The following RNF17 variants were observed in gnomAD, a reference collection of about 807,000 sequenced individuals.
The protein encoded by RNF17 is ring finger protein 17.
Under a neutral mutation model 200.5 loss-of-function variants are expected in RNF17, and 31 were observed. That is an observed-to-expected ratio of 0.15 (90% CI 0.12 to 0.21). The LOEUF is 0.21. Among genes scored for constraint, RNF17 ranks in the 10% least tolerant of loss-of-function variants. The pLI, the probability that RNF17 is intolerant of heterozygous loss-of-function variation, is 1.00. For synonymous variants in RNF17, 606 were observed against 637.8 expected, an observed-to-expected ratio of 0.95 and a Z score of 0.75; for missense variants, 1,628 against 1,905.1, an observed-to-expected ratio of 0.85 and a Z score of 2.71.
chr13:24,764,944 G>A (rs940429617), intron 1 of RNF17, among the ~76,000 whole-genome samples: 34 of 150,562 alleles, frequency 2.3e-4, no homozygotes, highest in Non-Finnish European at 4.4e-4. Context: ...TACGTGAGGG[G>A]AAAAATACAC....
Position 24,830,459 on chromosome 13 carries a change from A to C in RNF17, c.2246-25A>C, listed in dbSNP as rs777855693. The C allele has an allele frequency of 5.6e-6, 8 of 1,424,402 alleles. No individual in the cohort carries two copies. The Admixed American group carries it at 1.6e-4, about 28-fold the overall frequency. The allele number at this position is 1,424,402 out of a possible 1,614,324, so 88.2% of individuals were successfully genotyped here. Reference sequence around the variant, plus strand: ...AGATAATTCTGTTTCCAAGTTTGTAATTTCTAATTTCATAATTTTTCAAGG... The same window carrying C: ...AGATAATTCTGTTTCCAAGTTTGTACTTTCTAATTTCATAATTTTTCAAGG... On this transcript the variant is annotated intron_variant, in intron 16 of 35. Coordinates refer to ENST00000255324, the MANE Select transcript of RNF17 (RefSeq NM_031277.3).
the RNF17 span, among the ~76,000 whole-genome samples, chr13:24,754,298 A>G: frequency 6.6e-6 from 1 of 152,226 alleles, no homozygotes; most frequent in Admixed American, 6.5e-5. Flanking sequence ...TAATAAGGAC[A>G]CAAGAGTTTT....
chr13:24,765,041 A>T (rs754070321), intron 1 of RNF17, among the ~76,000 whole-genome samples: 1 of 152,036 alleles, frequency 6.6e-6, no homozygotes, highest in Non-Finnish European at 1.5e-5. Context: ...TTTGAGTTGG[A>T]GTCTCGCTCT....
the RNF17 span, among the ~76,000 whole-genome samples, chr13:24,754,820 C>A: frequency 6.6e-6 from 1 of 151,736 alleles, no homozygotes; most frequent in African/African-American, 2.4e-5. Flanking sequence ...AGCTTGAGCC[C>A]TGGAAGTCCA....
chr13:24,883,984 C>T (rs151090294), downstream of RNF17: 145 of 1,613,988 alleles, frequency 9.0e-5, no homozygotes, highest in Non-Finnish European at 7.9e-5. Flanking sequence ...GACAATTGTA[C>T]CATCTGGGAA....
At chr13:24,782,532 C>G (rs1882531568) in intron 6 of RNF17, among the ~76,000 whole-genome samples, 1 of 151,976 alleles carries the variant, frequency 6.6e-6, no homozygotes, top group Non-Finnish European at 1.5e-5. Flanking sequence ...CAAGCTTGAG[C>G]CAGGTGTGGT....
intron 23 of RNF17, 113 bp from the exon 24 acceptor site, chr13:24,851,342 TG>T: frequency 1.3e-6 from 1 of 762,490 alleles, no homozygotes; most frequent in Non-Finnish European, 2.2e-6. Flanking sequence ...TTGACTCAGC[TG>T]GGAATATTTC....
chr13:24,830,389 A>C, intron 16 of RNF17, 95 bp from the exon 17 acceptor site: 1 of 697,434 alleles, frequency 1.4e-6, no homozygotes, highest in Non-Finnish European at 2.5e-6. Flanking sequence ...ATTGAAGCTA[A>C]AAGTATTCTA....
chr13:24,846,257 A>G (rs1891248227), intron 22 of RNF17, among the ~76,000 whole-genome samples: 1 of 152,210 alleles, frequency 6.6e-6, no homozygotes, highest in African/African-American at 2.4e-5. Flanking sequence ...TATGAGCTAA[A>G]TCGAACTAAT....
At position 24,764,285 on chromosome 13, in the gene RNF17, G is replaced by A. The variant is rs1440658736; in HGVS notation, c.82G>A (p.Ala28Thr). 6 of 1,610,886 alleles carry A rather than the reference G, an allele frequency of 3.7e-6. No homozygotes were observed. The highest frequency in any genetic ancestry group is 3.3e-5 in the Admixed American group (2 of 59,884). The change falls in exon 1 of 36, where the codon GCT becomes ACT. Residue 28 changes from alanine to threonine, a missense_variant. Coordinates refer to ENST00000255324, the MANE Select transcript of RNF17 (RefSeq NM_031277.3). ...GAGGAAGAGTCAGCCCTGGGGTGCC[G>A]CTGAAATCCAGTGCACCAGGTGTGG... ...MGRKSQPWGAAEIQCTRCGRR... is the reference protein window; with the variant it reads ...MGRKSQPWGATEIQCTRCGRR...
At chr13:24,870,461 G>T in intron 31 of RNF17, 110 bp from the exon 32 acceptor site, 1 of 798,180 alleles carries the variant, frequency 1.3e-6, no homozygotes. Flanking sequence ...GGAGGTGTAG[G>T]GGTCTCTGGG....
intron 11 of RNF17, among the ~76,000 whole-genome samples, chr13:24,797,505 T>A (rs1344896499): frequency 6.6e-5 from 10 of 152,186 alleles, no homozygotes; most frequent in Non-Finnish European, 1.0e-4. Context: ...TATCTCATTA[T>A]AATTTTGATG....
At chr13:24,751,301 T>C in the RNF17 span, 1 of 127,590 alleles carries the variant, frequency 7.8e-6, no homozygotes, top group East Asian at 2.1e-4. Flanking sequence ...GATACTTGTA[T>C]ATATATATAT....
intron 2 of RNF17, among the ~76,000 whole-genome samples, chr13:24,774,244 C>G (rs919299406): frequency 2.0e-5 from 3 of 152,104 alleles, no homozygotes; most frequent in African/African-American, 7.2e-5. Flanking sequence ...CTCTTTCACC[C>G]AGGCTGGAGT....
intron 2 of RNF17, among the ~76,000 whole-genome samples, chr13:24,773,200 G>A (rs9511446): frequency 0.22 from 33,073 of 151,922 alleles, 4,052 homozygotes; most frequent in East Asian, 0.28. Flanking sequence ...TCCATTACTG[G>A]GTATATACCC....
In RNF17 at chr13:24,788,075, A is replaced by G; in HGVS notation, c.699A>G (p.Lys233=). ...AGGCTAAAAGCTACATTGAAGAGAA[A>G]AAAAATAATTTGAATGCAGCTATGA... ...LIKAKSYIEE[K]KNNLNAAMNI... Residue 233 remains lysine (K), a synonymous_variant, in exon 7 of 36, where the codon AAA becomes AAG. Coordinates refer to ENST00000255324, the MANE Select transcript of RNF17 (RefSeq NM_031277.3). The G allele has an allele frequency of 6.3e-7, 1 of 1,598,660 alleles. No individual in the cohort carries two copies. Among genetic ancestry groups the G allele is most frequent in the Non-Finnish European group, 8.5e-7 (1 of 1,175,402 alleles).
chr13:24,850,560 T>A, intron 23 of RNF17, 117 bp downstream of exon 23: 1 of 678,452 alleles, frequency 1.5e-6, no homozygotes, highest in Non-Finnish European at 2.5e-6. Flanking sequence ...TTACAAATTT[T>A]GTCGGTTTTA....
In RNF17 at chr13:24,832,059, AAATT is replaced by A. The variant is rs1329445205; in HGVS notation, c.2482+82_2482+85del. ...AATAACATTTGTCAAATTTTAGAATAAATTCAGTGTGCCATCAGTAGTGGTGGTG... is the reference window on the plus strand; with the variant it reads ...AATAACATTTGTCAAATTTTAGAATACAGTGTGCCATCAGTAGTGGTGGTG... On this transcript the variant is annotated intron_variant, in intron 18 of 35. Coordinates refer to ENST00000255324, the MANE Select transcript of RNF17 (RefSeq NM_031277.3). 9.6e-5 allele frequency: 97 copies of A among 1,007,548 alleles called. 1 individual carries two copies. The African/African-American group carries it at 1.3e-3, about 14-fold the overall frequency. 62.4% of individuals were successfully genotyped at this position (1,007,548 alleles called of 1,614,324 possible). A position where few individuals can be genotyped will look rare whatever the true frequency, so the allele number is the denominator to read the frequency against.
At chr13:24,791,737 G>A (rs184712567) in intron 9 of RNF17, among the ~76,000 whole-genome samples, 23 of 152,254 alleles carry the variant, frequency 1.5e-4, no homozygotes, top group South Asian at 4.1e-4. Flanking sequence ...CACATAGGAT[G>A]ATGTATACTC....
Sources: allele counts gnomAD v4.1 joint callset (sites outside exome capture counted in the v4.1 genomes callset), GRCh38; gene constraint gnomAD v4.1.1; transcripts MANE v1.5; gene names NCBI Gene and HGNC (gene_info 2026-07-23, HGNC 2026-07-21).